CLASP1: variants seen among roughly 807,000 people sequenced by gnomAD.
The protein encoded by CLASP1 is cytoplasmic linker associated protein 1.
Under a neutral mutation model 192.3 loss-of-function variants are expected in CLASP1, and 38 were observed. The ratio of observed to expected loss-of-function variants is 0.20; its 90% CI spans 0.15 to 0.26. The LOEUF is 0.26. CLASP1 is among the 10% of genes least tolerant of loss of function. CLASP1 has a pLI of 1.00. For synonymous variants in CLASP1, 691 were observed against 712.8 expected (o/e 0.97, Z 0.49); for missense variants, 1,433 against 1,932.5 (o/e 0.74, Z 4.85).
At position 121,606,105 on chromosome 2, in the gene CLASP1, T is replaced by C. The variant is rs752378815; in HGVS notation, c.-210A>G. ...TTAAAAGTCCAATTTAAATAACTAG[T>C]AGGAGATAAAGGAGTGAGTGGCAGA... On this transcript the variant is annotated 5_prime_UTR_variant, in exon 2 of 40. Transcript: ENST00000263710. 14 of 573,790 alleles carry C rather than the reference T, an allele frequency of 2.4e-5. No individual in the cohort carries two copies. The Admixed American group carries it at 3.5e-4, about 14-fold the overall frequency. 35.5% of individuals were successfully genotyped at this position (573,790 alleles called of 1,614,324 possible). A position where few individuals can be genotyped will look rare whatever the true frequency, so the allele number is the denominator to read the frequency against.
intron 22 of CLASP1, among the ~76,000 whole-genome samples, chr2:121,424,848 G>A (rs77435696): frequency 0.021 from 3,182 of 152,212 alleles, 114 homozygotes; most frequent in African/African-American, 0.072. Flanking sequence ...TTCTAATTGT[G>A]GGGGAAACAC....
intron 8 of CLASP1, among the ~76,000 whole-genome samples, chr2:121,500,178 T>C (rs2093686084): frequency 6.6e-6 from 1 of 151,728 alleles, no homozygotes; most frequent in Non-Finnish European, 1.5e-5. Context: ...AGAGGATGAA[T>C]GGATCTAGAG....
chr2:121,478,821 AACCACAC>A (rs1368831429), intron 8 of CLASP1, among the ~76,000 whole-genome samples: 367 of 4,608 alleles, frequency 0.08, 9 homozygotes, highest in African/African-American at 0.17. Flanking sequence ...CCCCACACAC[AACCACAC>A]ACCACACACC....
chr2:121,345,276 C>T (rs375895345), intron 39 of CLASP1, among the ~76,000 whole-genome samples: 1 of 152,144 alleles, frequency 6.6e-6, no homozygotes, highest in Non-Finnish European at 1.5e-5. Context: ...CGCTGGCTCC[C>T]GGTCAGGAAT....
intron 12 of CLASP1, chr2:121,459,594 G>C (rs927828937): frequency 6.2e-6 from 1 of 160,044 alleles, no homozygotes; most frequent in African/African-American, 2.4e-5. Context: ...TCTTACTGCA[G>C]TAAATGCCTT....
chr2:121,404,005 C>T (rs2076534934), intron 26 of CLASP1, among the ~76,000 whole-genome samples: 1 of 152,086 alleles, frequency 6.6e-6, no homozygotes, highest in Admixed American at 6.5e-5. Flanking sequence ...TACTTATTTT[C>T]TTCACTACTA....
At chr2:121,382,161 CAAT>C in intron 33 of CLASP1, 44 bp downstream of exon 34, 2 of 1,447,504 alleles carry the variant, frequency 1.4e-6, no homozygotes, top group Non-Finnish European at 1.9e-6. Flanking sequence ...CTTGGAAATG[CAAT>C]AATATTGTGA....
intron 2 of CLASP1, chr2:121,531,086 G>T (rs975585610): frequency 1.0e-5 from 7 of 669,846 alleles, no homozygotes; most frequent in East Asian, 2.8e-5. Flanking sequence ...GGTTAAACCA[G>T]TAGAGGGTGC....
intron 32 of CLASP1, among the ~76,000 whole-genome samples, chr2:121,384,139 T>G (rs532221123): frequency 3.7e-5 from 5 of 135,920 alleles, no homozygotes. Context: ...TATATGTATA[T>G]ATATATACAC....
intron 22 of CLASP1, among the ~76,000 whole-genome samples, chr2:121,422,989 G>C (rs769734577): frequency 6.6e-6 from 1 of 151,468 alleles, no homozygotes; most frequent in Non-Finnish European, 1.5e-5. Context: ...AAGAAACACA[G>C]GCATATATCC....
intron 2 of CLASP1, among the ~76,000 whole-genome samples, chr2:121,567,372 G>A (rs772719595): frequency 2.0e-5 from 3 of 152,186 alleles, no homozygotes; most frequent in Non-Finnish European, 4.4e-5. Context: ...TGATCCATGG[G>A]CCAAAGTGGA....
intron 7 of CLASP1, among the ~76,000 whole-genome samples, chr2:121,512,393 C>G (rs1354624277): frequency 1.3e-5 from 2 of 152,184 alleles, no homozygotes; most frequent in Non-Finnish European, 2.9e-5. Context: ...CACAGGGTAT[C>G]ACACAACTAC....
At chr2:121,470,392 C>CCACTGTACT (rs2090504712) in intron 8 of CLASP1, 2 of 445,288 alleles carry the variant, frequency 4.5e-6, no homozygotes, top group Non-Finnish European at 8.6e-6. Context: ...CAGGCATGAG[C>CCACTGTACT]CACTGTACTT....
chr2:121,499,293 T>C (rs1309881682), intron 8 of CLASP1, among the ~76,000 whole-genome samples: 1 of 152,132 alleles, frequency 6.6e-6, no homozygotes, highest in Non-Finnish European at 1.5e-5. Flanking sequence ...CTTGAAAACA[T>C]TATGCTAAGT....
intron 37 of CLASP1, among the ~76,000 whole-genome samples, chr2:121,358,302 G>C (rs2065782199): frequency 6.6e-6 from 1 of 152,200 alleles, no homozygotes; most frequent in African/African-American, 2.4e-5. Flanking sequence ...TTATCTTGAG[G>C]CTGGATGAAA....
chr2:121,389,609 T>A (rs1352614221), intron 30 of CLASP1, among the ~76,000 whole-genome samples: 1 of 152,316 alleles, frequency 6.6e-6, no homozygotes, highest in Admixed American at 6.5e-5. Context: ...TAAATTTTGT[T>A]GGTTGAAAAT....
intron 6 of CLASP1, among the ~76,000 whole-genome samples, chr2:121,519,275 C>T (rs2094401657): frequency 1.3e-5 from 2 of 152,124 alleles, no homozygotes; most frequent in Non-Finnish European, 2.9e-5. Context: ...ATTTGAGTGC[C>T]TACTAGGTGA....
intron 2 of CLASP1, among the ~76,000 whole-genome samples, chr2:121,578,212 G>A (rs2060733596): frequency 6.6e-6 from 1 of 151,842 alleles, no homozygotes; most frequent in Non-Finnish European, 1.5e-5. Flanking sequence ...GGATTACACA[G>A]GCATGAGCCA....
chr2:121,401,329 G>C (rs892657380), intron 28 of CLASP1, among the ~76,000 whole-genome samples, 180 bp downstream of exon 29: 3 of 152,156 alleles, frequency 2.0e-5, no homozygotes, highest in Admixed American at 2.0e-4. Context: ...GGAAGATATG[G>C]TATTTCATTT....
Sources: allele counts gnomAD v4.1 joint callset (sites outside exome capture counted in the v4.1 genomes callset), GRCh38; gene constraint gnomAD v4.1.1; transcripts MANE v1.5; gene names NCBI Gene and HGNC (gene_info 2026-07-23, HGNC 2026-07-21).